GDPD5: variants seen among roughly 807,000 people sequenced by gnomAD.
GDPD5 encodes the protein glycerophosphodiester phosphodiesterase 2.
GDPD5 carries 48 observed loss-of-function variants against 75.1 expected under a neutral mutation model. The observed-to-expected ratio is 0.64, with a 90% CI of 0.51 to 0.81. The LOEUF (loss-of-function observed/expected upper bound fraction) is 0.81, where lower values mean the gene tolerates loss of function less well. Among genes scored for constraint, GDPD5 ranks in the 40% least tolerant of loss-of-function variants. The pLI is 0.00. For synonymous variants in GDPD5, 336 were observed against 339.0 expected (o/e 0.99, Z 0.10); for missense variants, 706 against 822.6 (o/e 0.86, Z 1.73).
intron 1 of GDPD5, among the ~76,000 whole-genome samples, chr11:75,513,174 T>G (rs1950565278): frequency 1.3e-5 from 2 of 152,174 alleles, no homozygotes; most frequent in Admixed American, 1.3e-4. Context: ...TTTAAATCAT[T>G]ACATGACCTC....
chr11:75,490,893 AT>A (rs565260641), intron 1 of GDPD5: 58 of 152,628 alleles, frequency 3.8e-4, no homozygotes, highest in African/African-American at 1.3e-3. Flanking sequence ...GGGAAAAGAG[AT>A]GGTACCAACA....
intron 2 of GDPD5, among the ~76,000 whole-genome samples, chr11:75,489,389 G>A (rs1351289438): frequency 6.6e-6 from 1 of 152,190 alleles, no homozygotes; most frequent in East Asian, 1.9e-4. Context: ...CCGAGAACCT[G>A]GGGCCTAAAC....
Position 75,441,788 on chromosome 11 carries a change from TA to T in GDPD5, c.1182del (p.Ser395AlafsTer35), listed in dbSNP as rs749543842. On this transcript the variant is annotated frameshift_variant, in exon 13 of 17. Transcript: ENST00000336898. LOFTEE classifies it high-confidence loss of function. ...GFPQHQVMWL[P>X]SRQRPLVRKV... The stretch of plus-strand genomic sequence containing the variant: ...TTCCGCACCAGGGGCCTCTGCCTGC[TA>T]GGCAGCCACATGACCTGCAGGCAGA... The T allele has an allele frequency of 1.2e-6, 2 of 1,609,186 alleles. No individual in the cohort carries two copies. The highest frequency in any genetic ancestry group is 1.7e-6 in the Non-Finnish European group (2 of 1,179,696).
chr11:75,488,128 G>T (rs1463097354), intron 2 of GDPD5, among the ~76,000 whole-genome samples: 2 of 151,962 alleles, frequency 1.3e-5, no homozygotes, highest in East Asian at 3.9e-4. Flanking sequence ...TACTCCTAGT[G>T]ACAGGCCTCT....
chr11:75,441,137 C>A, intron 14 of GDPD5, 26 bp downstream of exon 14: 1 of 1,610,506 alleles, frequency 6.2e-7, no homozygotes, highest in Non-Finnish European at 8.5e-7. Flanking sequence ...CACTGCCCCC[C>A]AGGGGCCCTC....
In GDPD5 at chr11:75,522,976, C is replaced by G. The variant is rs567414852; in HGVS notation, c.-145+2234G>C. Reference sequence around the variant, plus strand: ...TGAGACTAGGGGAGTGTGACCCACACAGCAGCCTGAGCTGAGCAAATTCAG... The same window carrying G: ...TGAGACTAGGGGAGTGTGACCCACAGAGCAGCCTGAGCTGAGCAAATTCAG... On this transcript the variant is annotated intron_variant, in intron 1 of 16. Transcript: ENST00000336898. Among the ~76,000 whole-genome samples the G allele has an allele frequency of 4.3e-4, 66 of 152,252 alleles. No individual in the cohort carries two copies. The East Asian group carries it at 0.013, about 29-fold the overall frequency.
Position 75,474,014 on chromosome 11 carries a change from T to C in GDPD5, c.117+3605A>G, listed in dbSNP as rs534895486. On this transcript the variant is annotated intron_variant, in intron 3 of 16. Transcript: ENST00000336898. ...CCCCAGAGCAGGTAGCAGGACAGGT[T>C]TGTTGATTGAATAAGTAATCAGGGC... Among the ~76,000 whole-genome samples the C allele has an allele frequency of 2.6e-5, 4 of 152,196 alleles. No homozygotes were observed. In the South Asian group the frequency reaches 8.3e-4, roughly 32 times the overall value.
At chr11:75,507,364 TG>T (rs1950422301) in intron 1 of GDPD5, among the ~76,000 whole-genome samples, 1 of 152,248 alleles carries the variant, frequency 6.6e-6, no homozygotes, top group Non-Finnish European at 1.5e-5. Context: ...CACAGCTTCC[TG>T]GGACCACTTC....
chr11:75,456,587 G>A (rs538656772), intron 6 of GDPD5, 170 bp downstream of exon 6: 101 of 628,238 alleles, frequency 1.6e-4, no homozygotes, highest in Non-Finnish European at 2.9e-4. Flanking sequence ...GAATGAAGAC[G>A]GGTGAGGTTG....
At chr11:75,520,402 C>T (rs1950732369) in intron 1 of GDPD5, among the ~76,000 whole-genome samples, 1 of 152,212 alleles carries the variant, frequency 6.6e-6, no homozygotes, top group Non-Finnish European at 1.5e-5. Flanking sequence ...GCAAGTTGTC[C>T]ATGGGGCAGC....
chr11:75,500,261 A>C (rs1370937645), intron 1 of GDPD5, among the ~76,000 whole-genome samples: 1 of 151,680 alleles, frequency 6.6e-6, no homozygotes, highest in African/African-American at 2.4e-5. Flanking sequence ...CATCCCCTGC[A>C]CCCCTTCCCA....
At chr11:75,514,421 G>A (rs1950595870) in intron 1 of GDPD5, among the ~76,000 whole-genome samples, 1 of 152,270 alleles carries the variant, frequency 6.6e-6, no homozygotes, top group Non-Finnish European at 1.5e-5. Flanking sequence ...CTGGCCTTGG[G>A]CCACACAGTG....
chr11:75,459,107 CAGTAAAAATCCT>C (rs1949356961), intron 4 of GDPD5, among the ~76,000 whole-genome samples: 1 of 152,122 alleles, frequency 6.6e-6, no homozygotes, highest in Non-Finnish European at 1.5e-5. Context: ...TTACTTATGC[CAGTAAAAATCCT>C]GAGAAAATGT....
intron 9 of GDPD5, among the ~76,000 whole-genome samples, chr11:75,447,182 C>T (rs142403860): frequency 1.6e-4 from 25 of 152,192 alleles, no homozygotes; most frequent in Non-Finnish European, 2.5e-4. Flanking sequence ...TGAGCCCAGC[C>T]GGGGGATTGT....
intron 12 of GDPD5, among the ~76,000 whole-genome samples, 188 bp downstream of exon 12, chr11:75,442,175 C>T (rs1015901880): frequency 4.6e-5 from 7 of 152,258 alleles, no homozygotes; most frequent in Admixed American, 6.5e-5. Context: ...GACCTTTATA[C>T]ATTTTAAAGT....
intron 4 of GDPD5, among the ~76,000 whole-genome samples, chr11:75,458,449 G>A (rs975239057): frequency 6.6e-6 from 1 of 152,292 alleles, no homozygotes; most frequent in South Asian, 2.1e-4. Flanking sequence ...GAGGCGGGCG[G>A]ATCACGAGGT....
chr11:75,462,755 C>A (rs1274098738), intron 4 of GDPD5, 31 bp downstream of exon 4: 2 of 1,558,010 alleles, frequency 1.3e-6, no homozygotes, highest in South Asian at 2.3e-5. Context: ...GCTCTGGGCC[C>A]CTTCCTCCCC....
Position 75,439,289 on chromosome 11 carries a change from C to T in GDPD5, c.1556+590G>A, listed in dbSNP as rs370059390. ...TTAGACAGAACTGGAGAAGGGATGG[C>T]AAGAGGGAGAAAGAGGAACAGAAGG... On this transcript the variant is annotated intron_variant, in intron 15 of 16. Coordinates refer to ENST00000336898, the MANE Select transcript of GDPD5 (RefSeq NM_030792.8). The T allele has an allele frequency of 4.4e-5, 20 of 453,676 alleles. No individual in the cohort carries two copies. In the East Asian group the frequency reaches 1.2e-3, roughly 27 times the overall value. 28.1% of individuals were successfully genotyped at this position (453,676 alleles called of 1,614,324 possible).
At chr11:75,514,931 T>C (rs1950604778) in intron 1 of GDPD5, among the ~76,000 whole-genome samples, 1 of 152,238 alleles carries the variant, frequency 6.6e-6, no homozygotes, top group South Asian at 2.1e-4. Context: ...AGGTAAGTGT[T>C]GCTGCTCTAA....
Sources: gnomAD v4.1 joint callset for allele counts (sites outside exome capture counted in the v4.1 genomes callset) on GRCh38, gnomAD v4.1.1 for gene constraint, MANE v1.5 for transcripts, NCBI Gene and HGNC (gene_info 2026-07-23, HGNC 2026-07-21) for gene names.